The following MAST4 variants were observed in gnomAD, a reference collection of about 807,000 sequenced individuals.
The protein encoded by MAST4 is microtubule-associated serine/threonine-protein kinase 4.
Under a neutral mutation model 162.7 loss-of-function variants are expected in MAST4, and 89 were observed. The ratio of observed to expected loss-of-function variants is 0.55; its 90% CI spans 0.46 to 0.65. The LOEUF is 0.65. MAST4 is among the 30% of genes least tolerant of loss of function. MAST4 has a pLI of 0.00. For missense variants in MAST4, 3,153 were observed against 3,374.0 expected (o/e 0.93, Z 1.62); for synonymous variants, 1,479 against 1,361.1 (o/e 1.09, Z -1.91).
chr5:66,875,156 T>G (rs1006259360), intron 3 of MAST4, among the ~76,000 whole-genome samples: 3 of 152,234 alleles, frequency 2.0e-5, no homozygotes, highest in African/African-American at 7.2e-5. Context: ...TGTTAAAGAA[T>G]AATTTCTTCT....
chr5:67,108,757 A>G (rs1263745932), intron 10 of MAST4, among the ~76,000 whole-genome samples: 1 of 152,172 alleles, frequency 6.6e-6, no homozygotes, highest in Non-Finnish European at 1.5e-5. Flanking sequence ...CAGACATATT[A>G]CTTCTGAGTA....
intron 1 of MAST4, among the ~76,000 whole-genome samples, chr5:66,675,938 A>G (rs750505132): frequency 2.0e-5 from 3 of 152,216 alleles, no homozygotes; most frequent in Non-Finnish European, 4.4e-5. Context: ...ATCTTTTTAA[A>G]AACAAAAAAC....
intron 4 of MAST4, among the ~76,000 whole-genome samples, chr5:67,032,559 A>G (rs753011830): frequency 2.3e-4 from 35 of 152,238 alleles, no homozygotes; most frequent in Non-Finnish European, 4.0e-4. Flanking sequence ...TTTAAACGCC[A>G]TTTTTATTTT....
intron 11 of MAST4, among the ~76,000 whole-genome samples, chr5:67,112,647 A>T (rs7728151): frequency 1.3e-5 from 2 of 152,174 alleles, no homozygotes; most frequent in Non-Finnish European, 2.9e-5. Context: ...GATGAGATGC[A>T]TAGGGTGAAG....
chr5:67,013,259 G>C (rs1448266876), intron 4 of MAST4, among the ~76,000 whole-genome samples: 1 of 152,156 alleles, frequency 6.6e-6, no homozygotes, highest in African/African-American at 2.4e-5. Context: ...CCAGCACCTT[G>C]TGCCCCTGGA....
intron 3 of MAST4, among the ~76,000 whole-genome samples, chr5:66,866,172 T>C (rs1054944408): frequency 2.7e-5 from 4 of 149,942 alleles, no homozygotes; most frequent in African/African-American, 9.8e-5. Flanking sequence ...ATATGAACAT[T>C]AGGGTGAAAA....
rs115434202 is a variant in MAST4, at chr5:66,927,214, G to C, written c.674+27232G>C. Among the ~76,000 whole-genome samples the C allele has an allele frequency of 1.7e-3, 254 of 152,270 alleles. 1 individual carries two copies. Among genetic ancestry groups the C allele is most frequent in the African/African-American group, 5.9e-3 (244 of 41,552 alleles). On this transcript the variant is annotated intron_variant, in intron 4 of 28. Coordinates refer to ENST00000403625, the MANE Select transcript of MAST4 (RefSeq NM_001164664.2). ...GAAAGAGAGATGTTATGGAAGCAGA[G>C]AATTACATTTAAGAGACAGTGACCC...
In MAST4 at chr5:67,080,408, A is replaced by G. The variant is rs12653197; in HGVS notation, c.764-9754A>G. 7.2e-5 allele frequency among the ~76,000 whole-genome samples: 11 copies of G among 152,272 alleles called. No homozygotes were observed. In the East Asian group the frequency reaches 2.1e-3, roughly 29 times the overall value. ...TACCTGAAGGATTCAACACCTTGCA[A>G]TAGTAACTGTGGCTGTGTAAGGTAG... On this transcript the variant is annotated intron_variant, in intron 5 of 28. Transcript: ENST00000403625.
At chr5:66,683,702 C>A (rs562642917) in intron 1 of MAST4, among the ~76,000 whole-genome samples, 53 of 152,240 alleles carry the variant, frequency 3.5e-4, no homozygotes, top group African/African-American at 1.2e-3. Flanking sequence ...GAATTGTGTG[C>A]CCCCAGAGGA....
At chr5:66,620,507 T>C (rs1031717147) in intron 1 of MAST4, among the ~76,000 whole-genome samples, 2 of 152,144 alleles carry the variant, frequency 1.3e-5, no homozygotes, top group Non-Finnish European at 2.9e-5. Flanking sequence ...CTGATAGCCT[T>C]TAAAAAAAAC....
intron 4 of MAST4, among the ~76,000 whole-genome samples, chr5:66,967,826 T>A (rs1015233344): frequency 1.3e-5 from 2 of 152,034 alleles, no homozygotes; most frequent in African/African-American, 4.8e-5. Context: ...ACAGAGAGCA[T>A]CTTCAAGACC....
intron 4 of MAST4, chr5:66,963,772 C>A (rs1005917024): frequency 9.0e-6 from 7 of 779,696 alleles, no homozygotes; most frequent in Admixed American, 3.4e-5. Context: ...CCTCTCTTGG[C>A]CTTTCACTTT....
At chr5:67,114,290 G>A (rs780028200) in intron 12 of MAST4, 71 bp downstream of exon 12, 12 of 1,519,730 alleles carry the variant, frequency 7.9e-6, no homozygotes, top group Non-Finnish European at 8.8e-6. Context: ...AATCTAAGTG[G>A]CAAGTCTTTA....
chr5:66,974,848 A>G (rs910875327), intron 4 of MAST4, among the ~76,000 whole-genome samples: 1 of 152,178 alleles, frequency 6.6e-6, no homozygotes, highest in Non-Finnish European at 1.5e-5. Context: ...GAGAATTTCT[A>G]TTCTAGCTGA....
intron 4 of MAST4, among the ~76,000 whole-genome samples, chr5:67,028,269 A>G (rs1407889075): frequency 6.6e-6 from 1 of 152,066 alleles, no homozygotes; most frequent in African/African-American, 2.4e-5. Context: ...CAACAACAAC[A>G]ACAATACAAA....
At chr5:67,161,864 A>C (rs977441771) in intron 27 of MAST4, among the ~76,000 whole-genome samples, 5 of 152,218 alleles carry the variant, frequency 3.3e-5, no homozygotes, top group African/African-American at 1.2e-4. Context: ...ACTTTGTTTT[A>C]AGCTTATGTG....
intron 4 of MAST4, among the ~76,000 whole-genome samples, chr5:66,950,011 T>C (rs1429296360): frequency 6.6e-6 from 1 of 152,120 alleles, no homozygotes; most frequent in African/African-American, 2.4e-5. Context: ...TTCACAAGCT[T>C]GGAGAATTTT....
Position 67,163,166 on chromosome 5 carries a change from C to A in MAST4, c.3987C>A (p.Ser1329Arg), listed in dbSNP as rs1326865755. ...DFPSGTNSSQ[S>R]SSPSSSAPNS... ...CCACAGGTACTAATTCCTCCCAGAGCAGCTCCCCTAGTTCTAGTGCCCCCA... is the reference window on the plus strand; with the variant it reads ...CCACAGGTACTAATTCCTCCCAGAGAAGCTCCCCTAGTTCTAGTGCCCCCA... Residue 1329 changes from serine (S) to arginine (R), a missense_variant, in exon 29 of 29, where the codon AGC becomes AGA. Around this residue, in one of 7 missense-constraint regions of MAST4, gnomAD observed 619 missense variants for 744.2 expected, o/e 0.83. Coordinates refer to ENST00000403625, the MANE Select transcript of MAST4 (RefSeq NM_001164664.2). This position sits in a 1 kb window ranked among gnomAD's most constrained non-coding sequence, Gnocchi z 7.0. 6.2e-7 allele frequency: 1 copy of A among 1,606,000 alleles called. No individual in the cohort carries two copies. Among genetic ancestry groups the A allele is most frequent in the Non-Finnish European group, 8.5e-7 (1 of 1,173,498 alleles).
At chr5:66,750,640 G>T (rs901503015) in intron 1 of MAST4, among the ~76,000 whole-genome samples, 3 of 152,248 alleles carry the variant, frequency 2.0e-5, no homozygotes, top group Non-Finnish European at 4.4e-5. Flanking sequence ...GGCTCTGAGG[G>T]TCCTACGCCC....
Sources: gnomAD v4.1 joint callset for allele counts (sites outside exome capture counted in the v4.1 genomes callset) on GRCh38, gnomAD v4.1.1 for gene constraint, gnomAD v4.1.1 regional missense constraint, Gnocchi (gnomAD v3.1) non-coding constraint, MANE v1.5 for transcripts, NCBI Gene and HGNC (gene_info 2026-07-23, HGNC 2026-07-21) for gene names.